SGCZ: variants seen among roughly 807,000 people sequenced by gnomAD.
The protein encoded by SGCZ is sarcoglycan zeta, also known as zeta-sarcoglycan.
In SGCZ, 40 loss-of-function variants were observed where a neutral mutation model predicts 41.3. The observed-to-expected ratio is 0.97, with a 90% CI of 0.75 to 1.26. SGCZ has a LOEUF of 1.26. Among genes scored for constraint, SGCZ ranks in the 50% most tolerant of loss-of-function variants. The pLI is 0.00. For missense variants in SGCZ, 552 were observed against 369.8 expected, an observed-to-expected ratio of 1.49 and a Z score of -4.04; for synonymous variants, 206 against 137.5, an observed-to-expected ratio of 1.50 and a Z score of -3.49.
chr8:14,358,912 T>C (rs955960696), intron 2 of SGCZ, among the ~76,000 whole-genome samples: 2 of 152,098 alleles, frequency 1.3e-5, no homozygotes, highest in Admixed American at 6.6e-5. Flanking sequence ...CCTGGCCAGG[T>C]ATAGTATTCT....
At chr8:14,476,573 A>T (rs1427291468) in intron 2 of SGCZ, among the ~76,000 whole-genome samples, 3 of 152,160 alleles carry the variant, frequency 2.0e-5, no homozygotes, top group East Asian at 3.9e-4. Flanking sequence ...TCTTGAGAGG[A>T]CATCTGCTTA....
chr8:15,184,401 A>G (rs1047519494), intron 1 of SGCZ, among the ~76,000 whole-genome samples: 3 of 152,168 alleles, frequency 2.0e-5, no homozygotes, highest in African/African-American at 7.2e-5. Flanking sequence ...ATATCCCCAA[A>G]ATAGAAAAGG....
At chr8:14,750,136 G>A (rs1400462500) in intron 1 of SGCZ, among the ~76,000 whole-genome samples, 1 of 152,096 alleles carries the variant, frequency 6.6e-6, no homozygotes, top group Admixed American at 6.5e-5. Flanking sequence ...TATATATGAA[G>A]CCTTTTGAAT....
intron 1 of SGCZ, among the ~76,000 whole-genome samples, chr8:15,122,264 G>A (rs985881959): frequency 6.6e-6 from 1 of 152,052 alleles, no homozygotes; most frequent in African/African-American, 2.4e-5. Flanking sequence ...AATGGGAATT[G>A]TGGTATGTTG....
intron 1 of SGCZ, among the ~76,000 whole-genome samples, chr8:14,775,983 A>G (rs2130415829): frequency 6.6e-6 from 1 of 152,322 alleles, no homozygotes; most frequent in Non-Finnish European, 1.5e-5. Context: ...AAATAAGCCC[A>G]TCGTGGAAAC....
chr8:15,134,032 T>G (rs1808015112), intron 1 of SGCZ, among the ~76,000 whole-genome samples: 1 of 152,294 alleles, frequency 6.6e-6, no homozygotes, highest in Admixed American at 6.5e-5. Context: ...CTTAAGTATG[T>G]GCTGATTAAG....
chr8:14,434,568 T>G (rs1800034591), intron 2 of SGCZ, among the ~76,000 whole-genome samples: 1 of 152,198 alleles, frequency 6.6e-6, no homozygotes, highest in African/African-American at 2.4e-5. Context: ...AGTGTGGTCA[T>G]TTTCACAATA....
chr8:14,557,090 T>C (rs1366908235), intron 1 of SGCZ, among the ~76,000 whole-genome samples: 1 of 152,012 alleles, frequency 6.6e-6, no homozygotes, highest in Non-Finnish European at 1.5e-5. Context: ...TCTACACCAA[T>C]GCCTATTACT....
intron 1 of SGCZ, among the ~76,000 whole-genome samples, chr8:15,162,731 C>G (rs1264268600): frequency 2.0e-5 from 3 of 152,184 alleles, no homozygotes; most frequent in South Asian, 2.1e-4. Context: ...ATGTTTTTCT[C>G]TCATGATCTG....
chr8:15,185,829 G>A (rs1022334912), intron 1 of SGCZ, among the ~76,000 whole-genome samples: 1 of 152,092 alleles, frequency 6.6e-6, no homozygotes, highest in Non-Finnish European at 1.5e-5. Flanking sequence ...AACTTTGTAT[G>A]TAAAATGCAT....
chr8:14,739,996 C>T (rs1799152361), intron 1 of SGCZ, among the ~76,000 whole-genome samples: 1 of 151,988 alleles, frequency 6.6e-6, no homozygotes, highest in Non-Finnish European at 1.5e-5. Context: ...TTTGCAAGCA[C>T]ATCTATAGGC....
At chr8:15,221,511 A>G (rs939283189) in intron 1 of SGCZ, among the ~76,000 whole-genome samples, 2 of 152,158 alleles carry the variant, frequency 1.3e-5, no homozygotes, top group Admixed American at 1.3e-4. Context: ...TTCTAGCAAC[A>G]CTATAAACCA....
chr8:14,723,691 T>C (rs1200992351), intron 1 of SGCZ, among the ~76,000 whole-genome samples: 1 of 152,090 alleles, frequency 6.6e-6, no homozygotes, highest in Non-Finnish European at 1.5e-5. Flanking sequence ...TATGTCTGTG[T>C]CTATGCATAT....
chr8:14,209,143 G>A (rs910023204), intron 4 of SGCZ, among the ~76,000 whole-genome samples: 3 of 152,206 alleles, frequency 2.0e-5, no homozygotes, highest in African/African-American at 7.2e-5. Flanking sequence ...AAGCCCATTT[G>A]CATATTAGTG....
chr8:14,769,855 G>GA (rs35255411), intron 1 of SGCZ, among the ~76,000 whole-genome samples: 2,778 of 134,380 alleles, frequency 0.021, 36 homozygotes, highest in Middle Eastern at 0.025. Flanking sequence ...CTTCTTGCTG[G>GA]AAAAAAAAAA....
intron 1 of SGCZ, among the ~76,000 whole-genome samples, chr8:14,689,059 T>C (rs987622567): frequency 5.3e-5 from 8 of 152,264 alleles, no homozygotes; most frequent in African/African-American, 1.9e-4. Context: ...ATTTCAATTG[T>C]TAAAATTATT....
At chr8:14,383,106 G>C (rs1205916392) in intron 2 of SGCZ, among the ~76,000 whole-genome samples, 2 of 152,132 alleles carry the variant, frequency 1.3e-5, no homozygotes, top group East Asian at 3.9e-4. Context: ...TGTTGGGTCT[G>C]GCCCAGCCAT....
At chr8:14,951,388 C>G (rs1800632899) in intron 1 of SGCZ, among the ~76,000 whole-genome samples, 1 of 151,932 alleles carries the variant, frequency 6.6e-6, no homozygotes, top group South Asian at 2.1e-4. Context: ...TAGTGCATGT[C>G]AAATTCGTTG....
At chr8:15,130,784 T>C (rs1036033939) in intron 1 of SGCZ, among the ~76,000 whole-genome samples, 10 of 152,306 alleles carry the variant, frequency 6.6e-5, no homozygotes, top group South Asian at 4.1e-4. Context: ...TAAGATTATA[T>C]GCCTATGTTT....
Sources: gnomAD v4.1 joint callset for allele counts (sites outside exome capture counted in the v4.1 genomes callset) on GRCh38, gnomAD v4.1.1 for gene constraint, MANE v1.5 for transcripts, NCBI Gene and HGNC (gene_info 2026-07-23, HGNC 2026-07-21) for gene names.